Variants in STXBP5 observed in about 807,000 individuals in gnomAD.
STXBP5 encodes syntaxin binding protein 5, also known as syntaxin-binding protein 5.
STXBP5 carries 50 observed loss-of-function variants against 152.4 expected under a neutral mutation model. That is an observed-to-expected ratio of 0.33 (90% CI 0.26 to 0.42). The LOEUF is 0.42. STXBP5 is among the 10% of genes least tolerant of loss of function. STXBP5 has a pLI of 1.00. For synonymous variants in STXBP5, 492 were observed against 494.7 expected (o/e 0.99, Z 0.07); for missense variants, 1,167 against 1,388.6 (o/e 0.84, Z 2.54).
intron 3 of STXBP5, among the ~76,000 whole-genome samples, chr6:147,235,590 T>C (rs1197756485): frequency 2.0e-5 from 3 of 152,148 alleles, no homozygotes; most frequent in Admixed American, 1.3e-4. Flanking sequence ...TGCATTTAAA[T>C]TCCAGGGATA....
At position 147,248,292 on chromosome 6, in the gene STXBP5, A is replaced by C. The variant is rs1778912595; in HGVS notation, c.431+9022A>C. Among the ~76,000 whole-genome samples the C allele has an allele frequency of 7.2e-5, 11 of 152,134 alleles. No homozygotes were observed. In the South Asian group the frequency reaches 1.5e-3, roughly 20 times the overall value. ...TGAGACTCCATCTCAAAAAAAAAAA[A>C]AAAAAACTACTTAGCTCTGCCAATG... On this transcript the variant is annotated intron_variant, in intron 4 of 27. Coordinates refer to ENST00000321680, the MANE Select transcript of STXBP5 (RefSeq NM_001127715.4).
intron 25 of STXBP5, among the ~76,000 whole-genome samples, chr6:147,372,450 T>TGAGACAGA (rs1785602006): frequency 9.2e-6 from 1 of 108,848 alleles, no homozygotes; most frequent in African/African-American, 3.7e-5. Context: ...TTTTTTTTTT[T>TGAGACAGA]TTTTTTTTGA....
In STXBP5 at chr6:147,204,784, C is replaced by CAAT. The variant is rs1041618786; in HGVS notation, c.150+117_150+119dup. On this transcript the variant is annotated intron_variant, in intron 1 of 27. Transcript: ENST00000321680. This position sits in a 1 kb window ranked among gnomAD's most constrained non-coding sequence, Gnocchi z 4.3. ...ATGGGAATGCAAGGGAAGAGAACGCCAATAATAATAATAATAACTCTAATA... is the reference window on the plus strand; with the variant it reads ...ATGGGAATGCAAGGGAAGAGAACGCCAATAATAATAATAATAATAACTCTAATA... 47 of 1,199,390 alleles carry CAAT rather than the reference C, an allele frequency of 3.9e-5. No individual in the cohort carries two copies. In the East Asian group the frequency reaches 4.1e-4, roughly 10 times the overall value. 74.3% of individuals were successfully genotyped at this position (1,199,390 alleles called of 1,614,324 possible). A position where few individuals can be genotyped will look rare whatever the true frequency, so the allele number is the denominator to read the frequency against.
intron 7 of STXBP5, among the ~76,000 whole-genome samples, chr6:147,267,648 G>A (rs1375258210): frequency 6.6e-6 from 1 of 151,842 alleles, no homozygotes; most frequent in Non-Finnish European, 1.5e-5. Context: ...GGCTTTTTCT[G>A]GCTGCATCCC....
At chr6:147,328,768 G>A (rs771328568) in intron 18 of STXBP5, 9 of 470,480 alleles carry the variant, frequency 1.9e-5, no homozygotes, top group Middle Eastern at 3.2e-4. Flanking sequence ...AAAAAACTAC[G>A]TTCTTCTTTT....
At chr6:147,292,853 T>G (rs1350408752) in intron 9 of STXBP5, 1 of 152,182 alleles carries the variant, frequency 6.6e-6, no homozygotes, top group Non-Finnish European at 1.5e-5. Flanking sequence ...TTCAGGTTTC[T>G]TCAAGATGGC....
chr6:147,276,557 T>C (rs1438439832), intron 7 of STXBP5, among the ~76,000 whole-genome samples: 3 of 152,174 alleles, frequency 2.0e-5, no homozygotes, highest in Non-Finnish European at 2.9e-5. Flanking sequence ...AAGATGTTTT[T>C]ATCTATAGGT....
At chr6:147,245,380 TCC>T (rs1287217695) in intron 4 of STXBP5, among the ~76,000 whole-genome samples, 2 of 152,172 alleles carry the variant, frequency 1.3e-5, no homozygotes, top group Non-Finnish European at 1.5e-5. Context: ...ATTTTAAATA[TCC>T]TCCTTAATTA....
intron 7 of STXBP5, among the ~76,000 whole-genome samples, chr6:147,275,645 C>T (rs748301760): frequency 6.7e-6 from 1 of 148,838 alleles, no homozygotes; most frequent in East Asian, 2.0e-4. Context: ...GCAAGCTCCA[C>T]CTCCCGGGTT....
chr6:147,272,624 A>C (rs951943568), intron 7 of STXBP5, among the ~76,000 whole-genome samples: 1 of 152,144 alleles, frequency 6.6e-6, no homozygotes, highest in African/African-American at 2.4e-5. Flanking sequence ...ACAAAATACT[A>C]CCTTTCCCCT....
At chr6:147,271,331 C>CA (rs565072236) in intron 7 of STXBP5, among the ~76,000 whole-genome samples, 1 of 151,996 alleles carries the variant, frequency 6.6e-6, no homozygotes, top group Non-Finnish European at 1.5e-5. Flanking sequence ...AAGTAGGTAT[C>CA]AGAGTGTTTC....
intron 21 of STXBP5, among the ~76,000 whole-genome samples, chr6:147,349,848 C>G: frequency 6.6e-6 from 1 of 152,240 alleles, no homozygotes; most frequent in East Asian, 1.9e-4. Context: ...GGCCTTAACT[C>G]TGTATTTTTA....
chr6:147,218,225 C>T (rs916048670), intron 2 of STXBP5, among the ~76,000 whole-genome samples: 1 of 152,138 alleles, frequency 6.6e-6, no homozygotes, highest in African/African-American at 2.4e-5. Flanking sequence ...TATGATAGGG[C>T]TCATTCTTTG....
rs77910619 is a variant in STXBP5 at position 147,284,304 on chromosome 6, C to T, written c.838+6100C>T. Among the ~76,000 whole-genome samples, 1,102 of 152,182 alleles carry T rather than the reference C, an allele frequency of 7.2e-3. 14 individuals are homozygous for T. The highest frequency in any genetic ancestry group is 0.025 in the African/African-American group (1,056 of 41,510). On this transcript the variant is annotated intron_variant, in intron 8 of 27. Coordinates refer to ENST00000321680, the MANE Select transcript of STXBP5 (RefSeq NM_001127715.4). ...ATAACACTTAAAATATGTTCCTCATCCTAACTGGCAAAATTAAAACTTTAG... is the reference window on the plus strand; with the variant it reads ...ATAACACTTAAAATATGTTCCTCATTCTAACTGGCAAAATTAAAACTTTAG...
intron 11 of STXBP5, among the ~76,000 whole-genome samples, chr6:147,312,378 G>C (rs886634970): frequency 6.6e-6 from 1 of 152,178 alleles, no homozygotes; most frequent in Non-Finnish European, 1.5e-5. Flanking sequence ...TATCTTTGGA[G>C]AAAGAATCAT....
intron 16 of STXBP5, among the ~76,000 whole-genome samples, chr6:147,320,719 TACA>T (rs1359430206): frequency 2.0e-5 from 3 of 152,124 alleles, no homozygotes; most frequent in Non-Finnish European, 4.4e-5. Flanking sequence ...ACATTTAAAT[TACA>T]ACATTACTTA....
intron 19 of STXBP5, among the ~76,000 whole-genome samples, chr6:147,336,094 G>A (rs1416481651): frequency 3.9e-5 from 6 of 152,056 alleles, no homozygotes; most frequent in African/African-American, 1.4e-4. Flanking sequence ...GAAAAACATA[G>A]GAATTCTCTG....
At chr6:147,289,077 G>A (rs926126899) in intron 8 of STXBP5, among the ~76,000 whole-genome samples, 9 of 152,184 alleles carry the variant, frequency 5.9e-5, no homozygotes, top group Admixed American at 1.3e-4. Flanking sequence ...GGGAAGTTGC[G>A]TCTCCCTGGC....
intron 22 of STXBP5, 83 bp downstream of exon 22, chr6:147,353,456 A>G (rs1393224826): frequency 6.6e-6 from 6 of 903,554 alleles, no homozygotes; most frequent in Admixed American, 3.3e-5. Flanking sequence ...TTACTGTAAG[A>G]TAGTCATTGG....
Sources: allele counts gnomAD v4.1 joint callset (sites outside exome capture counted in the v4.1 genomes callset), GRCh38; gene constraint gnomAD v4.1.1; non-coding constraint Gnocchi (gnomAD v3.1); transcripts MANE v1.5; gene names NCBI Gene and HGNC (gene_info 2026-07-23, HGNC 2026-07-21).